Variants in AKAP13 observed in about 807,000 individuals in gnomAD.
AKAP13 encodes the protein A-kinase anchor protein 13.
In AKAP13, 80 loss-of-function variants were observed where a neutral mutation model predicts 264.5. That is an observed-to-expected ratio of 0.30 (90% CI 0.25 to 0.36). The LOEUF is 0.36. Among genes scored for constraint, AKAP13 ranks in the 10% least tolerant of loss-of-function variants. The probability of loss-of-function intolerance (pLI) is 1.00; values close to 1 mark genes in which losing one functional copy is unlikely to be tolerated. For missense variants in AKAP13, 3,712 were observed against 3,435.2 expected (o/e 1.08, Z -2.01); for synonymous variants, 1,380 against 1,250.2 (o/e 1.10, Z -2.19).
intron 8 of AKAP13, among the ~76,000 whole-genome samples, chr15:85,608,337 G>A (rs2080445021): frequency 6.6e-6 from 1 of 152,170 alleles, no homozygotes; most frequent in Admixed American, 6.5e-5. Context: ...AATTTGGTCA[G>A]CCATTGGAAG....
At chr15:85,554,852 C>T (rs1245662565) in intron 5 of AKAP13, among the ~76,000 whole-genome samples, 2 of 152,190 alleles carry the variant, frequency 1.3e-5, no homozygotes, top group Admixed American at 6.5e-5. Flanking sequence ...CAAACCAACT[C>T]TGTCTGACTT....
intron 1 of AKAP13, among the ~76,000 whole-genome samples, chr15:85,393,988 A>C (rs1596027072): frequency 6.6e-6 from 1 of 152,208 alleles, no homozygotes; most frequent in East Asian, 1.9e-4. Context: ...TTGCCAATAG[A>C]ATTGTGGAAC....
chr15:85,486,440 G>C (rs989785531), intron 2 of AKAP13, among the ~76,000 whole-genome samples: 14 of 152,130 alleles, frequency 9.2e-5, no homozygotes, highest in Admixed American at 3.3e-4. Flanking sequence ...TTTTGTAAGG[G>C]AAGAGTCCAA....
Position 85,744,847 on chromosome 15 carries a change from C to T in AKAP13, c.*170C>T, listed in dbSNP as rs1036020943. On this transcript the variant is annotated 3_prime_UTR_variant, in exon 37 of 37. Transcript: ENST00000394518. ...ATAAGCAACAGATGATATTGAGTGT[C>T]GGGTGGGGAAGGAGGCCCAGACTCT... The T allele has an allele frequency of 3.2e-5, 18 of 563,648 alleles. No individual in the cohort carries two copies. Among genetic ancestry groups the T allele is most frequent in the Non-Finnish European group, 4.8e-5 (16 of 329,980 alleles). The allele number at this position is 563,648 out of a possible 1,614,324, so 34.9% of individuals were successfully genotyped here.
intron 19 of AKAP13, among the ~76,000 whole-genome samples, chr15:85,713,013 G>C (rs1332702334): frequency 6.6e-6 from 1 of 152,188 alleles, no homozygotes; most frequent in African/African-American, 2.4e-5. Context: ...CTCTGTAAAA[G>C]GGGACGATAA....
intron 1 of AKAP13, among the ~76,000 whole-genome samples, chr15:85,387,797 T>A (rs1297072722): frequency 6.6e-6 from 1 of 152,216 alleles, no homozygotes; most frequent in Non-Finnish European, 1.5e-5. Flanking sequence ...CTTATACATG[T>A]ATTTCATGTA....
At chr15:85,656,740 G>T (rs950037530) in intron 11 of AKAP13, among the ~76,000 whole-genome samples, 3 of 152,208 alleles carry the variant, frequency 2.0e-5, no homozygotes, top group Non-Finnish European at 4.4e-5. Context: ...GAGCCAGCGC[G>T]CCTGGCCTGA....
At chr15:85,532,099 C>T (rs957003205) in intron 3 of AKAP13, among the ~76,000 whole-genome samples, 1 of 152,154 alleles carries the variant, frequency 6.6e-6, no homozygotes, top group South Asian at 2.1e-4. Context: ...ACAATACATG[C>T]CTCATAAAAT....
chr15:85,389,924 T>G (rs1233708922), intron 1 of AKAP13: 2 of 152,224 alleles, frequency 1.3e-5, no homozygotes, highest in Non-Finnish European at 2.9e-5. Context: ...TGCTTTTGCG[T>G]TTTTGTTTCT....
chr15:85,523,941 T>G (rs546075738), intron 3 of AKAP13, among the ~76,000 whole-genome samples: 11 of 152,354 alleles, frequency 7.2e-5, no homozygotes, highest in Non-Finnish European at 1.5e-4. Context: ...ATTTCCTGTT[T>G]GCTGAGGGCA....
chr15:85,639,740 A>G (rs949218875), intron 9 of AKAP13, among the ~76,000 whole-genome samples: 1 of 152,228 alleles, frequency 6.6e-6, no homozygotes, highest in African/African-American at 2.4e-5. Context: ...TGGTAAAAGT[A>G]TAAATATACT....
chr15:85,505,661 A>G (rs1402039922), intron 2 of AKAP13, among the ~76,000 whole-genome samples: 1 of 152,170 alleles, frequency 6.6e-6, no homozygotes, highest in Admixed American at 6.5e-5. Flanking sequence ...GTGGATTTCT[A>G]TTCGTGTTGC....
rs938432674 is a variant in AKAP13, at chr15:85,727,903, G to A, written c.7087+440G>A. ...TTATCCGCATGTTTACAAATGAGTT[G>A]TGAGGTGAAGTTTTGGGAGCAGGGT... On this transcript the variant is annotated intron_variant, in intron 29 of 36. Coordinates refer to ENST00000394518, the MANE Select transcript of AKAP13 (RefSeq NM_007200.5). The surrounding 1 kb of genome is among the most constrained non-coding windows in gnomAD (Gnocchi z 5.3). 2.0e-5 allele frequency among the ~76,000 whole-genome samples: 3 copies of A among 152,226 alleles called. No individual in the cohort carries two copies. The highest frequency in any genetic ancestry group is 1.3e-4 in the Admixed American group (2 of 15,288).
intron 2 of AKAP13, among the ~76,000 whole-genome samples, chr15:85,499,274 A>G (rs1257169641): frequency 6.6e-6 from 1 of 152,180 alleles, no homozygotes; most frequent in Non-Finnish European, 1.5e-5. Flanking sequence ...AATTAAGGGA[A>G]TTAGCACTTC....
chr15:85,619,443 C>T (rs759878416), intron 8 of AKAP13: 31 of 985,182 alleles, frequency 3.1e-5, no homozygotes, highest in Non-Finnish European at 3.5e-5. Flanking sequence ...AAATCAAAAC[C>T]AAGCCCTACT....
chr15:85,737,787 A>C (rs1301751183), intron 33 of AKAP13, among the ~76,000 whole-genome samples: 1 of 152,062 alleles, frequency 6.6e-6, no homozygotes, highest in East Asian at 1.9e-4. Context: ...ACAGGCCCGC[A>C]CTACCATACC....
intron 15 of AKAP13, among the ~76,000 whole-genome samples, chr15:85,682,824 T>G (rs549714774): frequency 6.6e-6 from 1 of 152,132 alleles, no homozygotes; most frequent in African/African-American, 2.4e-5. Context: ...TGCGCCACCA[T>G]GCCCAGCTAA....
intron 8 of AKAP13, among the ~76,000 whole-genome samples, chr15:85,614,902 G>A (rs1567156310): frequency 6.6e-6 from 1 of 152,202 alleles, no homozygotes; most frequent in Non-Finnish European, 1.5e-5. Flanking sequence ...TTCAGTAAAT[G>A]TTGTGGTTAA....
rs187700116 is a variant in AKAP13 at position 85,473,221 on chromosome 15, C to T, written c.-11-12489C>T. Among the ~76,000 whole-genome samples the T allele has an allele frequency of 4.1e-4, 63 of 152,102 alleles. No individual in the cohort carries two copies. The East Asian group carries it at 0.011, about 26-fold the overall frequency. Reference sequence around the variant, plus strand: ...CGGGGTCCTAAAAGTAAAGCTACTGCTTTGCAGGTTTTGTTAACTGGGCGC... The same window carrying T: ...CGGGGTCCTAAAAGTAAAGCTACTGTTTTGCAGGTTTTGTTAACTGGGCGC... On this transcript the variant is annotated intron_variant, in intron 1 of 36. Transcript: ENST00000394518.
Sources: gnomAD v4.1 joint callset for allele counts (sites outside exome capture counted in the v4.1 genomes callset) on GRCh38, gnomAD v4.1.1 for gene constraint, Gnocchi (gnomAD v3.1) non-coding constraint, MANE v1.5 for transcripts, NCBI Gene and HGNC (gene_info 2026-07-23, HGNC 2026-07-21) for gene names.